ELK3: variants seen among roughly 807,000 people sequenced by gnomAD.
ELK3 encodes the protein ETS transcription factor ELK3.
Under a neutral mutation model 28.9 loss-of-function variants are expected in ELK3, and 10 were observed. The ratio of observed to expected loss-of-function variants is 0.35; its 90% CI spans 0.21 to 0.59. The LOEUF (loss-of-function observed/expected upper bound fraction) is 0.59. ELK3 is among the 20% of genes least tolerant of loss of function. The probability of loss-of-function intolerance (pLI) is 0.82; values close to 1 mark genes in which losing one functional copy is unlikely to be tolerated. For missense variants in ELK3, 463 were observed against 517.3 expected, an observed-to-expected ratio of 0.90 and a Z score of 1.02; for synonymous variants, 272 against 243.5, an observed-to-expected ratio of 1.12 and a Z score of -1.09.
At chr12:96,256,839 G>C (rs1951953211) in intron 3 of ELK3, among the ~76,000 whole-genome samples, 1 of 152,192 alleles carries the variant, frequency 6.6e-6, no homozygotes, top group South Asian at 2.1e-4. Context: ...AGCGGGCCGG[G>C]GCAGGGGTGC....
intron 1 of ELK3, among the ~76,000 whole-genome samples, chr12:96,208,236 G>A (rs1272648748): frequency 6.6e-6 from 1 of 152,118 alleles, no homozygotes; most frequent in Non-Finnish European, 1.5e-5. Context: ...ATTTTCAGTA[G>A]AGACGGGGTT....
At chr12:96,224,972 G>A (rs1244532341) in intron 2 of ELK3, among the ~76,000 whole-genome samples, 2 of 152,168 alleles carry the variant, frequency 1.3e-5, no homozygotes, top group South Asian at 2.1e-4. Context: ...TTATGTGATC[G>A]TAATTGCACG....
chr12:96,242,337 G>A (rs931083645), intron 2 of ELK3, among the ~76,000 whole-genome samples: 2 of 152,136 alleles, frequency 1.3e-5, no homozygotes, highest in Non-Finnish European at 1.5e-5. Context: ...TATACTTTCC[G>A]AGCCTCAGCT....
chr12:96,250,066 G>A (rs1951891882), intron 3 of ELK3, among the ~76,000 whole-genome samples: 1 of 152,176 alleles, frequency 6.6e-6, no homozygotes, highest in African/African-American at 2.4e-5. Context: ...CCCAGGGCAG[G>A]AGAGTGGAAG....
intron 4 of ELK3, among the ~76,000 whole-genome samples, chr12:96,261,805 T>C (rs1279321047): frequency 6.6e-6 from 1 of 152,192 alleles, no homozygotes; most frequent in East Asian, 1.9e-4. Flanking sequence ...TGATGGTTCA[T>C]GTCTACAGTG....
intron 1 of ELK3, among the ~76,000 whole-genome samples, chr12:96,198,354 A>G (rs1040710957): frequency 6.6e-6 from 1 of 152,144 alleles, no homozygotes; most frequent in South Asian, 2.1e-4. Context: ...GAACCTCTGT[A>G]CCAGCTGTCT....
chr12:96,229,223 G>A (rs956827614), intron 2 of ELK3, among the ~76,000 whole-genome samples: 7 of 152,202 alleles, frequency 4.6e-5, no homozygotes, highest in Admixed American at 6.5e-5. Context: ...AATAAAAGTA[G>A]TCACTGCTTT....
chr12:96,256,300 G>A (rs1187551798), intron 3 of ELK3, among the ~76,000 whole-genome samples: 2 of 152,128 alleles, frequency 1.3e-5, no homozygotes, highest in African/African-American at 2.4e-5. Context: ...TGGGGCCTGG[G>A]ATGCGGGTGG....
chr12:96,246,324 G>A (rs530430501), intron 2 of ELK3, among the ~76,000 whole-genome samples: 29 of 152,234 alleles, frequency 1.9e-4, no homozygotes, highest in Middle Eastern at 3.4e-3. Context: ...TGTTCAGATT[G>A]TATGAGATAA....
chr12:96,267,331 C>T lies in ELK3; in HGVS notation c.*151C>T, dbSNP rs1421598596. The T allele has an allele frequency of 1.0e-5, 6 of 590,622 alleles. No homozygotes were observed. The East Asian group carries it at 1.8e-4, about 18-fold the overall frequency. The allele number at this position is 590,622 out of a possible 1,614,324, so 36.6% of individuals were successfully genotyped here. On this transcript the variant is annotated 3_prime_UTR_variant, in exon 5 of 5. Coordinates refer to ENST00000228741, the MANE Select transcript of ELK3 (RefSeq NM_005230.4). ...CATGGATAGTCTAGATTTATGTTAGCATTTTAAAAACTGTTTTTGATATAT... is the reference window on the plus strand; with the variant it reads ...CATGGATAGTCTAGATTTATGTTAGTATTTTAAAAACTGTTTTTGATATAT...
intron 1 of ELK3, among the ~76,000 whole-genome samples, chr12:96,207,531 T>G (rs1359727085): frequency 6.6e-6 from 1 of 152,202 alleles, no homozygotes; most frequent in African/African-American, 2.4e-5. Flanking sequence ...TGCCTGGAAT[T>G]TGCATTTCCT....
intron 1 of ELK3, among the ~76,000 whole-genome samples, chr12:96,205,083 T>C (rs1951531337): frequency 6.6e-6 from 1 of 152,234 alleles, no homozygotes; most frequent in Admixed American, 6.5e-5. Context: ...TCACTACCCA[T>C]GTAGGATTGA....
intron 1 of ELK3, chr12:96,212,652 G>C (rs949403080): frequency 9.2e-5 from 14 of 152,224 alleles, no homozygotes; most frequent in African/African-American, 3.4e-4. Context: ...CGGGTGACCA[G>C]TTGGCTGCTT....
intron 2 of ELK3, among the ~76,000 whole-genome samples, chr12:96,233,642 G>T (rs1384737801): frequency 6.6e-6 from 1 of 152,194 alleles, no homozygotes; most frequent in Non-Finnish European, 1.5e-5. Context: ...GAGATCAACT[G>T]CCTCTCCCAA....
chr12:96,221,524 G>A (rs1384376636), intron 1 of ELK3, among the ~76,000 whole-genome samples: 1 of 152,214 alleles, frequency 6.6e-6, no homozygotes, highest in African/African-American at 2.4e-5. Flanking sequence ...GGCACTTAAA[G>A]TTTCAAAGAT....
Position 96,255,964 on chromosome 12 carries a change from A to G in ELK3, c.1003-3767A>G, listed in dbSNP as rs138988494. Among the ~76,000 whole-genome samples the G allele has an allele frequency of 1.2e-4, 18 of 152,014 alleles. No individual in the cohort carries two copies. In the East Asian group the frequency reaches 3.1e-3, roughly 26 times the overall value. On this transcript the variant is annotated intron_variant, in intron 3 of 4. Coordinates refer to ENST00000228741, the MANE Select transcript of ELK3 (RefSeq NM_005230.4). Reference sequence around the variant, plus strand: ...GATAAAAAATGAGAGCTTAGTCCTCAGAAGTTAGCAAGTGTGTGAACCCAG... The same window carrying G: ...GATAAAAAATGAGAGCTTAGTCCTCGGAAGTTAGCAAGTGTGTGAACCCAG...
chr12:96,249,987 T>G (rs1417374413), intron 3 of ELK3, among the ~76,000 whole-genome samples: 1 of 152,082 alleles, frequency 6.6e-6, no homozygotes, highest in African/African-American at 2.4e-5. Flanking sequence ...AGGGTGGGGC[T>G]GTGATGATTT....
At chr12:96,227,899 G>T (rs1197584825) in intron 2 of ELK3, among the ~76,000 whole-genome samples, 1 of 152,208 alleles carries the variant, frequency 6.6e-6, no homozygotes, top group Non-Finnish European at 1.5e-5. Context: ...GTTCACACGT[G>T]TGCAGGGCTG....
intron 2 of ELK3, among the ~76,000 whole-genome samples, chr12:96,233,384 A>C (rs1951757408): frequency 6.6e-6 from 1 of 152,152 alleles, no homozygotes; most frequent in Non-Finnish European, 1.5e-5. Flanking sequence ...CTTCTCATCA[A>C]GAGAGGAAAA....
Sources: gnomAD v4.1 joint callset for allele counts (sites outside exome capture counted in the v4.1 genomes callset) on GRCh38, gnomAD v4.1.1 for gene constraint, MANE v1.5 for transcripts, NCBI Gene and HGNC (gene_info 2026-07-23, HGNC 2026-07-21) for gene names.